The following MYH14 variants were observed in gnomAD, a reference collection of about 807,000 sequenced individuals.
The protein encoded by MYH14 is myosin heavy chain 14.
A neutral mutation model predicts 255.5 loss-of-function variants in MYH14; 123 were observed. The observed-to-expected ratio is 0.48, with a 90% CI of 0.42 to 0.56. The LOEUF (loss-of-function observed/expected upper bound fraction) is 0.56, where lower values mean the gene tolerates loss of function less well. Ranked by LOEUF, MYH14 falls within the 20% of genes least tolerant of loss-of-function variation. The pLI is 0.00. For missense variants in MYH14, 2,423 were observed against 2,802.3 expected (o/e 0.86, Z 3.06); for synonymous variants, 1,095 against 1,161.2 (o/e 0.94, Z 1.16).
intron 40 of MYH14, among the ~76,000 whole-genome samples, chr19:50,305,159 C>T (rs1436064731): frequency 6.6e-6 from 1 of 151,850 alleles, no homozygotes; most frequent in African/African-American, 2.4e-5. Flanking sequence ...AAAGATCTCT[C>T]TGGGGCTAAG....
At chr19:50,249,501 C>T in intron 13 of MYH14, 149 bp from the exon 14 acceptor site, 2 of 856,760 alleles carry the variant, frequency 2.3e-6, no homozygotes, top group South Asian at 3.4e-5. Flanking sequence ...GGGTCTCTGT[C>T]CCCCTCTCTC....
At chr19:50,234,303 G>A (rs1388542372) in intron 10 of MYH14, among the ~76,000 whole-genome samples, 1 of 152,202 alleles carries the variant, frequency 6.6e-6, no homozygotes, top group Non-Finnish European at 1.5e-5. Flanking sequence ...TTCAGAGGCT[G>A]CGTAATGTTT....
chr19:50,287,298 A>G lies in MYH14; in HGVS notation c.4752+604A>G, dbSNP rs775111567. ...TCACAGAACGTGAGGAGAATCTTCCATCCAGCACATGTGTTCACACACAGA... is the reference window on the plus strand; with the variant it reads ...TCACAGAACGTGAGGAGAATCTTCCGTCCAGCACATGTGTTCACACACAGA... On this transcript the variant is annotated intron_variant, in intron 34 of 42. Coordinates refer to ENST00000642316, the MANE Select transcript of MYH14 (RefSeq NM_001145809.2). Among the ~76,000 whole-genome samples, 14 of 152,268 alleles carry G rather than the reference A, an allele frequency of 9.2e-5. 1 individual carries two copies. The highest frequency in any genetic ancestry group is 1.9e-4 in the Non-Finnish European group (13 of 68,040).
chr19:50,294,214 C>T (rs1177067487), intron 39 of MYH14, among the ~76,000 whole-genome samples: 1 of 152,042 alleles, frequency 6.6e-6, no homozygotes, highest in Non-Finnish European at 1.5e-5. Context: ...CATCCCAATA[C>T]AGAGATACAA....
In MYH14 at chr19:50,309,903, T is replaced by C; in HGVS notation, c.*113T>C. On this transcript the variant is annotated 3_prime_UTR_variant, in exon 43 of 43. Coordinates refer to ENST00000642316, the MANE Select transcript of MYH14 (RefSeq NM_001145809.2). The stretch of plus-strand genomic sequence containing the variant: ...CCTCTGACTTCTTGCCCTTTGGAAA[T>C]GGTGCAGCACTCTGGCATTTATCAC... The C allele has an allele frequency of 8.7e-7, 1 of 1,151,388 alleles. No individual in the cohort carries two copies. The highest frequency in any genetic ancestry group is 1.3e-5 in the South Asian group (1 of 75,794). The allele number at this position is 1,151,388 out of a possible 1,614,324, so 71.3% of individuals were successfully genotyped here. A position where few individuals can be genotyped will look rare whatever the true frequency, so the allele number is the denominator to read the frequency against.
At chr19:50,245,343 C>G (rs1247625112) in intron 11 of MYH14, among the ~76,000 whole-genome samples, 5 of 149,476 alleles carry the variant, frequency 3.3e-5, no homozygotes, top group Non-Finnish European at 3.0e-5. Flanking sequence ...TGCTTGAACC[C>G]AGGAGGCGGA....
At chr19:50,220,998 A>G (rs1017724254) in intron 3 of MYH14, among the ~76,000 whole-genome samples, 1 of 152,152 alleles carries the variant, frequency 6.6e-6, no homozygotes, top group East Asian at 1.9e-4. Flanking sequence ...TAGCAAATCT[A>G]TGAAATAGGT....
rs745752078 is a variant in MYH14, at chr19:50,276,221, G to T, written c.3680+18G>T. On this transcript the variant is annotated intron_variant, in intron 28 of 42. Transcript: ENST00000642316. This position sits in a 1 kb window ranked among gnomAD's most constrained non-coding sequence, Gnocchi z 4.3. ...GAGCTCCGGTGAGGCCCGGTGGCAG[G>T]CCGCTGTCACAGCCTGTGCACATAC... 2.0e-6 allele frequency: 3 copies of T among 1,516,654 alleles called. No individual in the cohort carries two copies. The highest frequency in any genetic ancestry group is 8.9e-7 in the Non-Finnish European group (1 of 1,128,580). The allele number at this position is 1,516,654 out of a possible 1,614,324, so 93.9% of individuals were successfully genotyped here.
intron 8 of MYH14, 45 bp downstream of exon 8, chr19:50,227,011 C>G (rs1234765164): frequency 6.3e-7 from 1 of 1,576,290 alleles, no homozygotes; most frequent in African/African-American, 1.4e-5. Flanking sequence ...GGGGGGCAGC[C>G]TTTCAGACAG....
At chr19:50,240,319 C>T (rs540800017) in intron 10 of MYH14, among the ~76,000 whole-genome samples, 2 of 152,346 alleles carry the variant, frequency 1.3e-5, no homozygotes, top group Non-Finnish European at 2.9e-5. Flanking sequence ...TGGCTTATGC[C>T]TGTAATCCCA....
intron 10 of MYH14, among the ~76,000 whole-genome samples, chr19:50,237,389 G>A (rs887979340): frequency 6.6e-6 from 1 of 150,990 alleles, no homozygotes; most frequent in Non-Finnish European, 1.5e-5. Context: ...GCAGTGGCAC[G>A]ATCTCGACTC....
chr19:50,257,358 C>T lies in MYH14; in HGVS notation c.2104C>T (p.Arg702Cys), dbSNP rs370269938. ...CCTGGGCGACGGCCCACCAGGTGGCCGCCCCCGTCGGGGTATGTTCCGGAC... is the reference window on the plus strand; with the variant it reads ...CCTGGGCGACGGCCCACCAGGTGGCTGCCCCCGTCGGGGTATGTTCCGGAC... Reference protein sequence around the residue: ...SSLGDGPPGGRPRRGMFRTVG... With the variant: ...SSLGDGPPGGCPRRGMFRTVG... Residue 702 changes from arginine (R) to cysteine (C), a missense_variant, in exon 18 of 43, where the codon CGC becomes TGC. Around this residue, in one of 3 missense-constraint regions of MYH14, gnomAD observed 672 missense variants for 881.8 expected, o/e 0.76. Transcript: ENST00000642316. 5 of 1,608,332 alleles carry T rather than the reference C, an allele frequency of 3.1e-6. No homozygotes were observed. Among genetic ancestry groups the T allele is most frequent in the East Asian group, 2.2e-5 (1 of 44,724 alleles).
chr19:50,249,298 G>A, intron 13 of MYH14, 159 bp downstream of exon 13: 1 of 871,380 alleles, frequency 1.1e-6, no homozygotes, highest in South Asian at 1.9e-5. Flanking sequence ...CCTCTCTCTG[G>A]GTCTCTGTCC....
chr19:50,289,001 C>T (rs2035979709), intron 34 of MYH14, among the ~76,000 whole-genome samples: 1 of 152,114 alleles, frequency 6.6e-6, no homozygotes. Context: ...GGGTCGGTGA[C>T]ACCCTGGGGA....
At chr19:50,210,875 C>G in intron 2 of MYH14, 105 bp downstream of exon 2, 1 of 1,484,836 alleles carries the variant, frequency 6.7e-7, no homozygotes, top group South Asian at 1.3e-5. Flanking sequence ...TGTTTATCAT[C>G]TGTATCCCAT....
rs771874225 is a variant in MYH14, at chr19:50,217,608, A to T, written c.406-7A>T. ...TCTGAGACCCTCTCCCCTCTCACCC[A>T]CTGCAGACGTACTCCGGCCTTTTCT... On this transcript the variant is annotated splice_polypyrimidine_tract_variant and splice_region_variant and intron_variant, in intron 2 of 42. Transcript: ENST00000642316. The T allele has an allele frequency of 7.4e-6, 12 of 1,613,860 alleles. No individual in the cohort carries two copies. The Admixed American group carries it at 1.8e-4, about 25-fold the overall frequency.
At position 50,229,967 on chromosome 19, in the gene MYH14, T is replaced by G. The variant is rs572788123; in HGVS notation, c.875-558T>G. On this transcript the variant is annotated intron_variant, in intron 8 of 42. Coordinates refer to ENST00000642316, the MANE Select transcript of MYH14 (RefSeq NM_001145809.2). Reference sequence around the variant, plus strand: ...TCTCACTCTGTCGCCCAGGCTGGAGTGCAGTGGCGCAATCTCGGCTCACTG... The same window carrying G: ...TCTCACTCTGTCGCCCAGGCTGGAGGGCAGTGGCGCAATCTCGGCTCACTG... Among the ~76,000 whole-genome samples, 8 of 152,194 alleles carry G rather than the reference T, an allele frequency of 5.3e-5. No individual in the cohort carries two copies. In the East Asian group the frequency reaches 1.5e-3, roughly 29 times the overall value.
rs777089802 is a variant in MYH14, at chr19:50,290,875, C to T, written c.4966-12C>T. 4 of 1,551,828 alleles carry T rather than the reference C, an allele frequency of 2.6e-6. No individual in the cohort carries two copies. The Admixed American group carries it at 7.8e-5, about 30-fold the overall frequency. On this transcript the variant is annotated splice_polypyrimidine_tract_variant and intron_variant, in intron 35 of 42. Transcript: ENST00000642316. Reference sequence around the variant, plus strand: ...CTGTGTCTGACCCGGTCCCTCCTGACCTCCTCTCCAGCTGAGAGATGCAGA... The same window carrying T: ...CTGTGTCTGACCCGGTCCCTCCTGATCTCCTCTCCAGCTGAGAGATGCAGA...
intron 20 of MYH14, 78 bp downstream of exon 20, chr19:50,260,793 A>AAG: frequency 8.9e-7 from 1 of 1,123,776 alleles, no homozygotes; most frequent in Non-Finnish European, 1.3e-6. Context: ...GTGTGTGTGC[A>AAG]TGCATATGTG....
Sources: gnomAD v4.1 joint callset for allele counts (sites outside exome capture counted in the v4.1 genomes callset) on GRCh38, gnomAD v4.1.1 for gene constraint, gnomAD v4.1.1 regional missense constraint, Gnocchi (gnomAD v3.1) non-coding constraint, MANE v1.5 for transcripts, NCBI Gene and HGNC (gene_info 2026-07-23, HGNC 2026-07-21) for gene names.